Variants in ANO5 observed in about 807,000 individuals in gnomAD.
ANO5 encodes anoctamin-5.
Under a neutral mutation model 121.0 loss-of-function variants are expected in ANO5, and 109 were observed. That is an observed-to-expected ratio of 0.90 (90% CI 0.77 to 1.06). The LOEUF (loss-of-function observed/expected upper bound fraction) is 1.06, where lower values mean the gene tolerates loss of function less well. Among genes scored for constraint, ANO5 ranks in the 50% least tolerant of loss-of-function variants. The pLI, the probability that ANO5 is intolerant of heterozygous loss-of-function variation, is 0.00. For synonymous variants in ANO5, 406 were observed against 359.9 expected (o/e 1.13, Z -1.45); for missense variants, 1,064 against 1,078.5 (o/e 0.99, Z 0.19).
chr11:22,197,090 A>G (rs1205149737), intron 1 of ANO5, among the ~76,000 whole-genome samples: 1 of 152,158 alleles, frequency 6.6e-6, no homozygotes, highest in African/African-American at 2.4e-5. Context: ...TAAATACTGA[A>G]TATGAGAGTT....
At chr11:22,268,297 C>A (rs58854291) in intron 17 of ANO5, among the ~76,000 whole-genome samples, 145 of 151,306 alleles carry the variant, frequency 9.6e-4, no homozygotes, top group African/African-American at 2.9e-3. Flanking sequence ...TAATACCGAG[C>A]CTTCTTACTC....
In ANO5 at chr11:22,250,777, G is replaced by C. The variant is rs373859984; in HGVS notation, c.1050G>C (p.Met350Ile). Residue 350 changes from methionine to isoleucine, a missense_variant, in exon 11 of 22, where the codon ATG becomes ATC. Transcript: ENST00000324559. The stretch of plus-strand genomic sequence containing the variant: ...GTGACCCTGAGATTGGTGGTCAGAT[G>C]ATCATGTGCCCACTCTGTGATCAAG... ...EICDPEIGGQMIMCPLCDQVC... is the reference protein window; with the variant it reads ...EICDPEIGGQIIMCPLCDQVC... The C allele has an allele frequency of 7.4e-6, 12 of 1,613,924 alleles. No individual in the cohort carries two copies. Among genetic ancestry groups the C allele is most frequent in the Non-Finnish European group, 1.0e-5 (12 of 1,179,966 alleles).
chr11:22,277,194 C>G (rs1854887737), intron 21 of ANO5, among the ~76,000 whole-genome samples: 1 of 151,512 alleles, frequency 6.6e-6, no homozygotes, highest in African/African-American at 2.4e-5. Flanking sequence ...CACACCCACA[C>G]AGACAGAAAG....
chr11:22,259,719 ATC>A lies in ANO5; in HGVS notation c.1610_1611del (p.Ser537CysfsTer16). The A allele has an allele frequency of 6.2e-7, 1 of 1,613,488 alleles. No individual in the cohort carries two copies. The highest frequency in any genetic ancestry group is 8.5e-7 in the Non-Finnish European group (1 of 1,179,512). On this transcript the variant is annotated frameshift_variant, in exon 15 of 22. Transcript: ENST00000324559. LOFTEE classifies it high-confidence loss of function. Reference protein sequence around the residue: ...LILNFFYEKISAWITKMEIPR... With the variant: ...LILNFFYEKIXAWITKMEIPR... ...TCTTGAATTTCTTTTATGAAAAGAT[ATC>A]TGCCTGGATCACAAAAATGGGTAAG...
rs142403855 is a variant in ANO5, at chr11:22,269,737, TTA to T, written c.1899-573_1899-572del. On this transcript the variant is annotated intron_variant, in intron 17 of 21. Transcript: ENST00000324559. ...TTTTTCTGCATCAATTGAGATGATT[TTA>T]TGTTTTTCACCTCAAACCAGTCAAT... Among the ~76,000 whole-genome samples the T allele has an allele frequency of 9.1e-3, 1,391 of 152,242 alleles. 21 individuals are homozygous for T. Among genetic ancestry groups the T allele is most frequent in the African/African-American group, 0.032 (1,317 of 41,548 alleles).
chr11:22,270,293 CT>C lies in ANO5; in HGVS notation c.1899-15del. 1 of 1,613,876 alleles carries C rather than the reference CT, an allele frequency of 6.2e-7. No individual in the cohort carries two copies. Among genetic ancestry groups the C allele is most frequent in the Non-Finnish European group, 8.5e-7 (1 of 1,179,892 alleles). ...TTTTTGGTCCTATTTCATATATTAA[CT>C]TTTATCACTTCCAACAGCTTGGCTT... On this transcript the variant is annotated intron_variant, in intron 17 of 21. Coordinates refer to ENST00000324559, the MANE Select transcript of ANO5 (RefSeq NM_213599.3).
chr11:22,223,381 A>G (rs139089478), intron 5 of ANO5, among the ~76,000 whole-genome samples: 6 of 152,048 alleles, frequency 3.9e-5, no homozygotes, highest in Non-Finnish European at 7.4e-5. Context: ...TCCAGCAACA[A>G]TGTATGAAAA....
At position 22,205,537 on chromosome 11, in the gene ANO5, C is replaced by CAAAAT. The variant is rs66490106; in HGVS notation, c.87+1721_87+1725dup. On this transcript the variant is annotated intron_variant, in intron 2 of 21. Transcript: ENST00000324559. The stretch of plus-strand genomic sequence containing the variant: ...GTAGACTCTTGGGCCCAGGCTGTCT[C>CAAAAT]AAAATAAAATAAAATAAAATAAAAT... 4.6e-3 allele frequency among the ~76,000 whole-genome samples: 677 copies of CAAAAT among 148,112 alleles called. 5 individuals are homozygous for CAAAAT. The highest frequency in any genetic ancestry group is 0.015 in the Admixed American group (219 of 14,758).
intron 3 of ANO5, among the ~76,000 whole-genome samples, chr11:22,213,092 A>T (rs1388638279): frequency 6.6e-6 from 1 of 151,464 alleles, no homozygotes; most frequent in African/African-American, 2.4e-5. Context: ...AAATCTATTT[A>T]TTATAAATAA....
At chr11:22,261,330 A>G (rs1209958534) in intron 15 of ANO5, 1 of 152,234 alleles carries the variant, frequency 6.6e-6, no homozygotes, top group East Asian at 1.9e-4. Flanking sequence ...AGGCAGCAGG[A>G]GAGAGAGAGT....
chr11:22,274,343 C>G (rs187251031), intron 19 of ANO5, among the ~76,000 whole-genome samples: 3 of 152,194 alleles, frequency 2.0e-5, no homozygotes, highest in Admixed American at 1.3e-4. Flanking sequence ...CGGTCTGACT[C>G]TCTACTTAGC....
chr11:22,278,883 CT>C (rs71034586), intron 21 of ANO5, among the ~76,000 whole-genome samples: 39,688 of 146,956 alleles, frequency 0.27, 5,561 homozygotes, highest in South Asian at 0.41. Context: ...ACTGTTTTTA[CT>C]TTTTTTTTTT....
chr11:22,215,932 T>TTTGCACAATGTTTG (rs1428986396), intron 3 of ANO5, among the ~76,000 whole-genome samples: 1 of 151,912 alleles, frequency 6.6e-6, no homozygotes, highest in Non-Finnish European at 1.5e-5. Context: ...CTTTTGCTCG[T>TTTGCACAATGTTTG]CACAATGTTT....
At chr11:22,278,514 A>G (rs1056969597) in intron 21 of ANO5, among the ~76,000 whole-genome samples, 17 of 141,806 alleles carry the variant, frequency 1.2e-4, no homozygotes, top group African/African-American at 3.3e-4. Context: ...TCCTTTCCTT[A>G]TATCTGGTTC....
chr11:22,212,678 G>C (rs1852318499), intron 3 of ANO5, among the ~76,000 whole-genome samples: 1 of 151,810 alleles, frequency 6.6e-6, no homozygotes, highest in Non-Finnish European at 1.5e-5. Context: ...ATTTCACTTG[G>C]CACAGTATCT....
At chr11:22,276,292 C>T in intron 21 of ANO5, 93 bp downstream of exon 21, 2 of 988,836 alleles carry the variant, frequency 2.0e-6, no homozygotes, top group Non-Finnish European at 3.2e-6. Flanking sequence ...TTAGCAATAT[C>T]TCAGTAAACT....
At chr11:22,225,744 C>T (rs575577947) in intron 5 of ANO5, among the ~76,000 whole-genome samples, 1 of 152,140 alleles carries the variant, frequency 6.6e-6, no homozygotes, top group South Asian at 2.1e-4. Context: ...TACATTTCTT[C>T]AGATAGAGGC....
intron 17 of ANO5, among the ~76,000 whole-genome samples, chr11:22,267,789 C>T (rs1199655026): frequency 6.6e-6 from 1 of 152,068 alleles, no homozygotes; most frequent in Admixed American, 6.6e-5. Flanking sequence ...TCTGATAGGC[C>T]CCAGTGTCTG....
At chr11:22,271,547 T>C (rs73483420) in intron 18 of ANO5, among the ~76,000 whole-genome samples, 7,825 of 152,292 alleles carry the variant, frequency 0.051, 676 homozygotes, top group African/African-American at 0.18. Context: ...GATAAGGCTA[T>C]GATTTTTAAT....
Sources: allele counts gnomAD v4.1 joint callset (sites outside exome capture counted in the v4.1 genomes callset), GRCh38; gene constraint gnomAD v4.1.1; transcripts MANE v1.5; gene names NCBI Gene and HGNC (gene_info 2026-07-23, HGNC 2026-07-21).